Variants in LMNA observed in about 807,000 individuals in gnomAD.
LMNA encodes the protein lamin A/C.
A neutral mutation model predicts 70.4 loss-of-function variants in LMNA; 20 were observed. The ratio of observed to expected loss-of-function variants is 0.28; its 90% CI spans 0.20 to 0.41. The LOEUF (loss-of-function observed/expected upper bound fraction) is 0.41. LMNA is among the 10% of genes least tolerant of loss of function. The pLI is 1.00. For synonymous variants in LMNA, 339 were observed against 372.8 expected (o/e 0.91, Z 1.04); for missense variants, 652 against 917.2 (o/e 0.71, Z 3.73).
chr1:156,115,815 G>A lies in LMNA; in HGVS notation c.356+541G>A, dbSNP rs570722571. On this transcript the variant is annotated intron_variant, in intron 1 of 11. Coordinates refer to ENST00000368300, the MANE Select transcript of LMNA (RefSeq NM_170707.4). This position sits in a 1 kb window ranked among gnomAD's most constrained non-coding sequence, Gnocchi z 5.8. ...TGTTGGAGCGAGGTCAGGAAGGCAG[G>A]GCAATCCCCCTTTTCCCTCCCAAGG... is the stretch of plus-strand genomic sequence containing the variant. 9.2e-5 allele frequency among the ~76,000 whole-genome samples: 14 copies of A among 152,324 alleles called. No homozygotes were observed. Among genetic ancestry groups the A allele is most frequent in the African/African-American group, 2.6e-4 (11 of 41,570 alleles).
rs1380147113 is a variant in LMNA, at chr1:156,103,422, G to A, written c.-206-11291G>A. On this transcript the variant is annotated intron_variant, in intron 3 of 12. Coordinates refer to the LMNA transcript ENST00000368301. This position sits in a 1 kb window ranked among gnomAD's most constrained non-coding sequence, Gnocchi z 4.7. Reference sequence around the variant, plus strand: ...CTGGGCCCTCGCACTTCCTCTGTCTGGGACTCCTCTAACAGCTGTGGGGAG... The same window carrying A: ...CTGGGCCCTCGCACTTCCTCTGTCTAGGACTCCTCTAACAGCTGTGGGGAG... Among the ~76,000 whole-genome samples, 1 of 152,114 alleles carries A rather than the reference G, an allele frequency of 6.6e-6. No homozygotes were observed. Among genetic ancestry groups the A allele is most frequent in the Non-Finnish European group, 1.5e-5 (1 of 67,994 alleles).
intron 1 of LMNA, among the ~76,000 whole-genome samples, chr1:156,127,599 A>C (rs1218459690): frequency 1.1e-4 from 15 of 139,966 alleles, no homozygotes; most frequent in Non-Finnish European, 1.8e-4. Context: ...GCTCACTGCA[A>C]CCTCCGCCTC....
At position 156,103,979 on chromosome 1, in the gene LMNA, TCC is replaced by T. The variant is rs750190104; in HGVS notation, c.-206-10732_-206-10731del. 1.2e-4 allele frequency among the ~76,000 whole-genome samples: 18 copies of T among 151,970 alleles called. No homozygotes were observed. Among genetic ancestry groups the T allele is most frequent in the Admixed American group, 2.0e-4 (3 of 15,258 alleles). ...CCTGGCTCCATTCTTCAGCACACCC[TCC>T]CTCATCATATCCACACTCCTTGGCT... is the stretch of plus-strand genomic sequence containing the variant. On this transcript the variant is annotated intron_variant, in intron 3 of 12. Transcript: ENST00000368301. The surrounding 1 kb of genome is among the most constrained non-coding windows in gnomAD (Gnocchi z 4.7).
chr1:156,125,650 C>G (rs1423939944), intron 1 of LMNA, among the ~76,000 whole-genome samples: 1 of 150,574 alleles, frequency 6.6e-6, no homozygotes, highest in Non-Finnish European at 1.5e-5. Context: ...GATCGCGCCA[C>G]TCTACTCTAG....
intron 1 of LMNA, among the ~76,000 whole-genome samples, chr1:156,122,781 G>A (rs1650283575): frequency 6.6e-6 from 1 of 152,216 alleles, no homozygotes; most frequent in African/African-American, 2.4e-5. Context: ...ACCGGGGGGA[G>A]GGGCACGGTG....
upstream of LMNA, chr1:156,109,471 C>A (rs1231422113): frequency 6.6e-6 from 1 of 152,484 alleles, no homozygotes; most frequent in Non-Finnish European, 1.5e-5. Context: ...CTCCCCATGC[C>A]CCTTGGCAGG....
intron 3 of LMNA, among the ~76,000 whole-genome samples, chr1:156,091,279 T>A (rs1648687022): frequency 6.6e-6 from 1 of 152,064 alleles, no homozygotes; most frequent in Admixed American, 6.6e-5. Context: ...TGAAGGGAAA[T>A]AATAATATCT....
At chr1:156,128,943 C>T (rs1650811483) in intron 1 of LMNA, among the ~76,000 whole-genome samples, 1 of 152,220 alleles carries the variant, frequency 6.6e-6, no homozygotes, top group Admixed American at 6.5e-5. Context: ...AGCGGTTTTT[C>T]TTCATTTTCC....
At chr1:156,105,434 C>T (rs773203171) in intron 3 of LMNA, among the ~76,000 whole-genome samples, 2 of 152,172 alleles carry the variant, frequency 1.3e-5, no homozygotes, top group Non-Finnish European at 2.9e-5. Flanking sequence ...CTCCCCACTC[C>T]TCCTGAGAGT....
intron 1 of LMNA, among the ~76,000 whole-genome samples, chr1:156,116,802 G>A (rs1293631632): frequency 6.6e-6 from 1 of 152,136 alleles, no homozygotes; most frequent in Non-Finnish European, 1.5e-5. Flanking sequence ...AACCTCAGGT[G>A]ATCCACCCGC....
At chr1:156,114,447 GA>G (rs1649660531), upstream of LMNA, among the ~76,000 whole-genome samples, 1 of 152,144 alleles carries the variant, frequency 6.6e-6, no homozygotes, top group Non-Finnish European at 1.5e-5. Context: ...CTCTAGCCCA[GA>G]AGGTCTGAGG....
intron 1 of LMNA, among the ~76,000 whole-genome samples, chr1:156,127,681 G>A (rs912995603): frequency 2.2e-5 from 3 of 136,084 alleles, no homozygotes; most frequent in African/African-American, 5.8e-5. Flanking sequence ...ACCGTACCCA[G>A]CTAAATTTTT....
intron 2 of LMNA, among the ~76,000 whole-genome samples, chr1:156,085,052 G>A (rs1398343558): frequency 6.6e-6 from 1 of 152,244 alleles, no homozygotes; most frequent in Non-Finnish European, 1.5e-5. Flanking sequence ...GAATGAATCA[G>A]CCCTCTGGGT....
intron 3 of LMNA, among the ~76,000 whole-genome samples, chr1:156,093,325 T>TTA (rs1648782868): frequency 6.8e-6 from 1 of 147,856 alleles, no homozygotes; most frequent in African/African-American, 2.5e-5. Context: ...TTTTTTTTTT[T>TTA]AGATAGGTTC....
intron 3 of LMNA, among the ~76,000 whole-genome samples, chr1:156,092,487 T>C (rs1387083871): frequency 6.6e-6 from 1 of 151,832 alleles, no homozygotes; most frequent in Non-Finnish European, 1.5e-5. Context: ...GAGACCAGCC[T>C]GGGCAATATG....
rs1651652979 is a variant in LMNA at position 156,136,512 on chromosome 1, G to T, written c.1380+76G>T. ...TGGCAAGACAGAAGGATGGCATGTGGAGAGAGGAACATCCTTGCCCTCAGA... is the reference window on the plus strand; with the variant it reads ...TGGCAAGACAGAAGGATGGCATGTGTAGAGAGGAACATCCTTGCCCTCAGA... On this transcript the variant is annotated intron_variant, in intron 7 of 11. Coordinates refer to ENST00000368300, the MANE Select transcript of LMNA (RefSeq NM_170707.4). This position sits in a 1 kb window ranked among gnomAD's most constrained non-coding sequence, Gnocchi z 6.1. 8 of 1,407,964 alleles carry T rather than the reference G, an allele frequency of 5.7e-6. No individual in the cohort carries two copies. The Admixed American group carries it at 7.9e-5, about 14-fold the overall frequency. The allele number at this position is 1,407,964 out of a possible 1,614,324, so 87.2% of individuals were successfully genotyped here. A position where few individuals can be genotyped will look rare whatever the true frequency, so the allele number is the denominator to read the frequency against.
At chr1:156,131,457 G>A (rs561356938) in intron 2 of LMNA, among the ~76,000 whole-genome samples, 1 of 152,144 alleles carries the variant, frequency 6.6e-6, no homozygotes, top group East Asian at 1.9e-4. Flanking sequence ...GGGCATGGTG[G>A]TGTGCACCTA....
chr1:156,137,755 C>A lies in LMNA; in HGVS notation c.1698+12C>A. On this transcript the variant is annotated intron_variant, in intron 10 of 11. Transcript: ENST00000368300. This position sits in a 1 kb window ranked among gnomAD's most constrained non-coding sequence, Gnocchi z 4.6. Reference sequence around the variant, plus strand: ...TCCATCACCACCACGTGAGTGGTAGCCGCCGCTGAGGCCGAGCCTGCACTG... The same window carrying A: ...TCCATCACCACCACGTGAGTGGTAGACGCCGCTGAGGCCGAGCCTGCACTG... The A allele has an allele frequency of 6.5e-7, 1 of 1,547,980 alleles. No individual in the cohort carries two copies. The highest frequency in any genetic ancestry group is 1.2e-5 in the South Asian group (1 of 83,992).
At chr1:156,131,854 T>C (rs1021967944) in intron 2 of LMNA, among the ~76,000 whole-genome samples, 5 of 152,210 alleles carry the variant, frequency 3.3e-5, no homozygotes, top group South Asian at 4.1e-4. Flanking sequence ...CAAAACACTC[T>C]TCTCCAATTT....
Sources: allele counts gnomAD v4.1 joint callset (sites outside exome capture counted in the v4.1 genomes callset), GRCh38; gene constraint gnomAD v4.1.1; non-coding constraint Gnocchi (gnomAD v3.1); transcripts MANE v1.5; gene names NCBI Gene and HGNC (gene_info 2026-07-23, HGNC 2026-07-21).